Variants in PCDH7 observed in about 807,000 individuals in gnomAD.
PCDH7 encodes the protein protocadherin 7.
Under a neutral mutation model 58.9 loss-of-function variants are expected in PCDH7, and 17 were observed. The ratio of observed to expected loss-of-function variants is 0.29; its 90% CI spans 0.20 to 0.43. The LOEUF is 0.43. Ranked by LOEUF, PCDH7 falls within the 20% of genes least tolerant of loss-of-function variation. The pLI, the probability that PCDH7 is intolerant of heterozygous loss-of-function variation, is 1.00. For missense variants in PCDH7, 1,274 were observed against 1,441.0 expected, an observed-to-expected ratio of 0.88 and a Z score of 1.88; for synonymous variants, 664 against 616.4, an observed-to-expected ratio of 1.08 and a Z score of -1.14.
chr4:31,015,552 A>C (rs1753544251), intron 3 of PCDH7, among the ~76,000 whole-genome samples: 1 of 152,148 alleles, frequency 6.6e-6, no homozygotes, highest in Admixed American at 6.5e-5. Flanking sequence ...CACCTCCATT[A>C]AGGCCCAGTA....
intron 3 of PCDH7, among the ~76,000 whole-genome samples, chr4:31,016,702 T>C (rs895534745): frequency 3.9e-5 from 6 of 152,316 alleles, no homozygotes; most frequent in Non-Finnish European, 5.9e-5. Flanking sequence ...AATCCATTTG[T>C]AGGATAATTT....
intron 3 of PCDH7, among the ~76,000 whole-genome samples, chr4:31,109,411 G>C (rs1432111068): frequency 1.3e-5 from 2 of 152,072 alleles, no homozygotes; most frequent in Non-Finnish European, 2.9e-5. Flanking sequence ...AAACAAAACA[G>C]TGCAAAAAAA....
At chr4:31,041,922 A>AT (rs1212005551) in intron 3 of PCDH7, among the ~76,000 whole-genome samples, 1 of 152,110 alleles carries the variant, frequency 6.6e-6, no homozygotes, top group Non-Finnish European at 1.5e-5. Context: ...GAAGTGAAAT[A>AT]TTTTTTCCTT....
At chr4:31,107,530 C>T (rs547024677) in intron 3 of PCDH7, among the ~76,000 whole-genome samples, 1 of 152,280 alleles carries the variant, frequency 6.6e-6, no homozygotes, top group South Asian at 2.1e-4. Context: ...TCTTCTGAGA[C>T]AGAAACAGGA....
intron 1 of PCDH7, among the ~76,000 whole-genome samples, chr4:30,911,284 T>A (rs1433436870): frequency 6.7e-6 from 1 of 150,038 alleles, no homozygotes; most frequent in African/African-American, 2.5e-5. Context: ...ATTCTACACA[T>A]GTATCCAGAA....
At chr4:30,777,100 C>T (rs1307207945) in intron 1 of PCDH7, among the ~76,000 whole-genome samples, 2 of 151,990 alleles carry the variant, frequency 1.3e-5, no homozygotes, top group African/African-American at 2.4e-5. Flanking sequence ...AGAACAAAGA[C>T]CAGGGTGAGA....
chr4:31,021,769 G>C lies in PCDH7; in HGVS notation c.*7+71554G>C, dbSNP rs570748916. 7.9e-5 allele frequency among the ~76,000 whole-genome samples: 12 copies of C among 152,176 alleles called. No homozygotes were observed. The East Asian group carries it at 2.1e-3, about 27-fold the overall frequency. ...CACGAGTGTCTCTAATTTCAAGGAA[G>C]GTGAGTAAATATGGTCTAATCTAGA... On this transcript the variant is annotated intron_variant, in intron 3 of 3. Transcript: ENST00000509759.
Position 30,990,616 on chromosome 4 carries a change from G to A in PCDH7, c.*7+40401G>A, listed in dbSNP as rs1007486228. ...ACACTTATTAAGTAGCTACTAAATC[G>A]GCTTTGGCAAACCACTCCTATAATC... is the stretch of plus-strand genomic sequence containing the variant. On this transcript the variant is annotated intron_variant, in intron 3 of 3. Transcript: ENST00000509759. Among the ~76,000 whole-genome samples, 15 of 151,902 alleles carry A rather than the reference G, an allele frequency of 9.9e-5. No individual in the cohort carries two copies. The East Asian group carries it at 2.1e-3, about 22-fold the overall frequency.
At chr4:30,845,754 C>G (rs1251030601) in intron 1 of PCDH7, among the ~76,000 whole-genome samples, 1 of 151,982 alleles carries the variant, frequency 6.6e-6, no homozygotes, top group East Asian at 1.9e-4. Flanking sequence ...TGTGTGCCAC[C>G]AGGTTAATTT....
At chr4:30,863,412 G>A (rs1467415423) in intron 1 of PCDH7, among the ~76,000 whole-genome samples, 2 of 152,004 alleles carry the variant, frequency 1.3e-5, no homozygotes, top group East Asian at 1.9e-4. Context: ...TGGAGGGTAT[G>A]GATTCTGCTA....
chr4:31,099,373 G>A (rs1011392765), intron 3 of PCDH7, among the ~76,000 whole-genome samples: 1 of 152,144 alleles, frequency 6.6e-6, no homozygotes, highest in South Asian at 2.1e-4. Flanking sequence ...CTGGCTATAG[G>A]CAGATCATAT....
At chr4:31,109,272 A>G (rs532051740) in intron 3 of PCDH7, among the ~76,000 whole-genome samples, 90 of 152,366 alleles carry the variant, frequency 5.9e-4, no homozygotes, top group African/African-American at 2.1e-3. Context: ...GAAAGGATGG[A>G]GAATTATGAC....
chr4:31,082,918 C>T (rs1416994898), intron 3 of PCDH7, among the ~76,000 whole-genome samples: 2 of 152,162 alleles, frequency 1.3e-5, no homozygotes, highest in Non-Finnish European at 2.9e-5. Flanking sequence ...ACCATCCTGG[C>T]TAACATGGTG....
intron 1 of PCDH7, among the ~76,000 whole-genome samples, chr4:30,826,678 A>G (rs1729125312): frequency 6.6e-6 from 1 of 152,086 alleles, no homozygotes. Context: ...TCATCTGAGG[A>G]GTCCTAGGGG....
exon 1 of PCDH7, chr4:30,724,258 C>T: frequency 1.2e-6 from 2 of 1,613,558 alleles, no homozygotes; most frequent in Non-Finnish European, 1.7e-6. Context: ...ATCTAAGCAG[C>T]CTCTCTACAG....
At chr4:30,775,790 G>A (rs574079125) in intron 1 of PCDH7, among the ~76,000 whole-genome samples, 4 of 152,140 alleles carry the variant, frequency 2.6e-5, no homozygotes, top group South Asian at 2.1e-4. Flanking sequence ...CCAGCTACTC[G>A]GGAGGCTGAG....
intron 1 of PCDH7, among the ~76,000 whole-genome samples, chr4:30,770,193 T>C (rs967808455): frequency 6.6e-6 from 1 of 152,196 alleles, no homozygotes; most frequent in African/African-American, 2.4e-5. Context: ...TTAACATCAT[T>C]TCATGCTCTA....
chr4:31,001,118 G>A lies in PCDH7; in HGVS notation c.*7+50903G>A, dbSNP rs1348422420. On this transcript the variant is annotated intron_variant, in intron 3 of 3. Coordinates refer to the PCDH7 transcript ENST00000509759. Reference sequence around the variant, plus strand: ...CAATGATTACAGTAAGGACATTTGGGCTACATATGCAATCATCTGTAACAA... The same window carrying A: ...CAATGATTACAGTAAGGACATTTGGACTACATATGCAATCATCTGTAACAA... Among the ~76,000 whole-genome samples the A allele has an allele frequency of 5.3e-5, 8 of 151,994 alleles. No homozygotes were observed. In the South Asian group the frequency reaches 1.2e-3, roughly 24 times the overall value.
At position 30,748,212 on chromosome 4, in the gene PCDH7, G is replaced by C. The variant is rs111452736; in HGVS notation, c.70+23616G>C. ...TACAAATACTCTGCTTGTTGGATGT[G>C]ATCTAACTGACCTGCTACAATCAGA... On this transcript the variant is annotated intron_variant, in intron 1 of 3. Transcript: ENST00000509759. Among the ~76,000 whole-genome samples, 19 of 152,258 alleles carry C rather than the reference G, an allele frequency of 1.2e-4. 1 individual carries two copies. The highest frequency in any genetic ancestry group is 3.9e-4 in the African/African-American group (16 of 41,554).
Sources: allele counts gnomAD v4.1 joint callset (sites outside exome capture counted in the v4.1 genomes callset), GRCh38; gene constraint gnomAD v4.1.1; transcripts MANE v1.5; gene names NCBI Gene and HGNC (gene_info 2026-07-23, HGNC 2026-07-21).